The following RPLP1 variants were observed in gnomAD, a reference collection of about 807,000 sequenced individuals.
RPLP1 encodes large ribosomal subunit protein P1.
In RPLP1, 4 loss-of-function variants were observed where a neutral mutation model predicts 11.6. The observed-to-expected ratio is 0.34, with a 90% confidence interval of 0.17 to 0.79. The LOEUF (loss-of-function observed/expected upper bound fraction) is 0.79, where lower values mean the gene tolerates loss of function less well. RPLP1 is among the 30% of genes least tolerant of loss of function. RPLP1 has a pLI of 0.55. For synonymous variants in RPLP1, 54 were observed against 52.2 expected, an observed-to-expected ratio of 1.03 and a Z score of -0.15; for missense variants, 133 against 142.8, an observed-to-expected ratio of 0.93 and a Z score of 0.35.
At position 69,453,655 on chromosome 15, in the gene RPLP1, G is replaced by A. The variant is rs1228337572; in HGVS notation, c.81G>A (p.Lys27=). 3 of 1,613,958 alleles carry A rather than the reference G, an allele frequency of 1.9e-6. No homozygotes were observed. The highest frequency in any genetic ancestry group is 2.2e-5 in the South Asian group (2 of 91,082). ...HDDEVTVTED[K]INALIKAAGV... is the part of the protein sequence containing the mutation. ...GTTTTTATTTGTTGTAGGAGGATAAGATCAATGCCCTCATTAAAGCAGCCG... is the reference window on the plus strand; with the variant it reads ...GTTTTTATTTGTTGTAGGAGGATAAAATCAATGCCCTCATTAAAGCAGCCG... The change falls in exon 2 of 4, where the codon AAG becomes AAA. Residue 27 remains lysine, a synonymous_variant. Transcript: ENST00000260379.
At position 69,452,878 on chromosome 15, in the gene RPLP1, G is replaced by C. The variant is rs996407590; in HGVS notation, c.-71G>C. The stretch of plus-strand genomic sequence containing the variant: ...TTCCGAGGAAGCTAAGGCTGCGTTG[G>C]GGTGAGGCCCTCACTTCATCCGGCG... On this transcript the variant is annotated 5_prime_UTR_variant, in exon 1 of 4. Transcript: ENST00000260379. 15 of 1,392,564 alleles carry C rather than the reference G, an allele frequency of 1.1e-5. No homozygotes were observed. In the East Asian group the frequency reaches 3.7e-4, roughly 35 times the overall value. 86.3% of individuals were successfully genotyped at this position (1,392,564 alleles called of 1,614,324 possible).
intron 1 of RPLP1, 169 bp from the exon 2 acceptor site, chr15:69,453,478 C>A: frequency 1.4e-6 from 1 of 695,762 alleles, no homozygotes; most frequent in East Asian, 2.7e-5. Context: ...CGTGAAACAG[C>A]AGTGATGGGC....
Position 69,452,821 on chromosome 15 carries a change from C to A in RPLP1, c.-128C>A, listed in dbSNP as rs529326572. 135 of 857,208 alleles carry A rather than the reference C, an allele frequency of 1.6e-4. 1 individual carries two copies. In the East Asian group the frequency reaches 3.6e-3, roughly 23 times the overall value. 53.1% of individuals were successfully genotyped at this position (857,208 alleles called of 1,614,324 possible). A position where few individuals can be genotyped will look rare whatever the true frequency, so the allele number is the denominator to read the frequency against. ...AGGCTGCGTATAGGCGCGAGAGCCC[C>A]TTTCCTCAGCTGCCGCCAAGGTGCT... On this transcript the variant is annotated 5_prime_UTR_variant, in exon 1 of 4. Transcript: ENST00000260379.
Position 69,452,874 on chromosome 15 carries a change from GT to G in RPLP1, c.-73del, listed in dbSNP as rs1184471519. 2 of 1,370,984 alleles carry G rather than the reference GT, an allele frequency of 1.5e-6. No individual in the cohort carries two copies. Among genetic ancestry groups the G allele is most frequent in the Admixed American group, 3.9e-5 (2 of 50,860 alleles). 84.9% of individuals were successfully genotyped at this position (1,370,984 alleles called of 1,614,324 possible). A position where few individuals can be genotyped will look rare whatever the true frequency, so the allele number is the denominator to read the frequency against. On this transcript the variant is annotated 5_prime_UTR_variant, in exon 1 of 4. Coordinates refer to ENST00000260379, the MANE Select transcript of RPLP1 (RefSeq NM_001003.3). ...GTCCTTCCGAGGAAGCTAAGGCTGC[GT>G]TGGGGTGAGGCCCTCACTTCATCCG...
rs1391847037 is a variant in RPLP1, at chr15:69,456,196, G to T, written c.*689G>T. The T allele has an allele frequency of 6.6e-6, 1 of 152,196 alleles. No individual in the cohort carries two copies. Among genetic ancestry groups the T allele is most frequent in the Admixed American group, 6.5e-5 (1 of 15,280 alleles). 9.4% of individuals were successfully genotyped at this position (152,196 alleles called of 1,614,324 possible). On this transcript the variant is annotated 3_prime_UTR_variant, in exon 4 of 4. Coordinates refer to ENST00000260379, the MANE Select transcript of RPLP1 (RefSeq NM_001003.3). ...ATAAACCGTGGGTATTGTGTGTTCA[G>T]AGCAGCTAATGACATGCCAGGCACA... is the stretch of plus-strand genomic sequence containing the variant.
intron 2 of RPLP1, chr15:69,454,431 G>A (rs1450180483): frequency 6.6e-6 from 1 of 152,198 alleles, no homozygotes; most frequent in African/African-American, 2.4e-5. Flanking sequence ...TGTGTGTTGG[G>A]ATATAAAAGA....
chr15:69,455,378 A>G, intron 3 of RPLP1, 50 bp from the exon 4 acceptor site: 1 of 1,559,218 alleles, frequency 6.4e-7, no homozygotes, highest in Non-Finnish European at 8.7e-7. Flanking sequence ...ATTTTTCACA[A>G]GTATATGAAG....
At position 69,455,941 on chromosome 15, in the gene RPLP1, T is replaced by TA. The variant is rs757950325; in HGVS notation, c.*441dup. ...TGTTGACTGCTACATCCCAAGGTTG[T>TA]AAAAAAACAAGACTTAGCTATGTAA... On this transcript the variant is annotated 3_prime_UTR_variant, in exon 4 of 4. Transcript: ENST00000260379. The TA allele has an allele frequency of 6.4e-6, 1 of 155,592 alleles. No individual in the cohort carries two copies. Among genetic ancestry groups the TA allele is most frequent in the African/African-American group, 2.4e-5 (1 of 41,522 alleles). 9.6% of individuals were successfully genotyped at this position (155,592 alleles called of 1,614,324 possible).
In RPLP1 at chr15:69,452,883, A is replaced by C; in HGVS notation, c.-66A>C. 2 of 1,410,584 alleles carry C rather than the reference A, an allele frequency of 1.4e-6. No homozygotes were observed. The highest frequency in any genetic ancestry group is 1.9e-6 in the Non-Finnish European group (2 of 1,026,758). The allele number at this position is 1,410,584 out of a possible 1,614,324, so 87.4% of individuals were successfully genotyped here. ...AGGAAGCTAAGGCTGCGTTGGGGTGAGGCCCTCACTTCATCCGGCGACTAG... is the reference window on the plus strand; with the variant it reads ...AGGAAGCTAAGGCTGCGTTGGGGTGCGGCCCTCACTTCATCCGGCGACTAG... On this transcript the variant is annotated 5_prime_UTR_variant, in exon 1 of 4. Transcript: ENST00000260379.
chr15:69,453,200 G>A (rs1473049663), intron 1 of RPLP1, 180 bp downstream of exon 1: 5 of 626,804 alleles, frequency 8.0e-6, no homozygotes, highest in Non-Finnish European at 1.4e-5. Flanking sequence ...CAGGTCCTGG[G>A]CCCCCGGGAC....
intron 1 of RPLP1, chr15:69,453,331 C>T (rs1892381407): frequency 1.7e-6 from 1 of 578,380 alleles, no homozygotes; most frequent in Non-Finnish European, 3.1e-6. Context: ...TCGTCTCTCT[C>T]AGGGACACTT....
At chr15:69,453,946 TA>T (rs929122824) in intron 2 of RPLP1, 56 of 560,680 alleles carry the variant, frequency 1.0e-4, no homozygotes, top group South Asian at 2.4e-4. Flanking sequence ...AAACCATGGT[TA>T]AAAAAAATGT....
At chr15:69,453,343 C>A in intron 1 of RPLP1, 1 of 577,030 alleles carries the variant, frequency 1.7e-6, no homozygotes, top group South Asian at 2.1e-5. Context: ...GGGACACTTA[C>A]TCGGACCTCT....
At chr15:69,453,517 A>G (rs1892385682) in intron 1 of RPLP1, 130 bp from the exon 2 acceptor site, 3 of 1,015,560 alleles carry the variant, frequency 3.0e-6, no homozygotes, top group South Asian at 2.9e-5. Context: ...CCTGGCACAC[A>G]TCTCTTTTGC....
At chr15:69,453,897 TA>T (rs879181412) in intron 2 of RPLP1, 176 bp downstream of exon 2, 16 of 615,754 alleles carry the variant, frequency 2.6e-5, no homozygotes, top group South Asian at 1.0e-4. Flanking sequence ...TGTCAAGTCT[TA>T]CGTTTCCTTA....
intron 1 of RPLP1, chr15:69,453,279 A>G (rs1335696414): frequency 5.2e-6 from 3 of 581,644 alleles, no homozygotes; most frequent in South Asian, 2.1e-5. Flanking sequence ...GCCTTCGTGT[A>G]GAAAAGCTCT....
In RPLP1 at chr15:69,455,267, C is replaced by A; in HGVS notation, c.245C>A (p.Pro82His). The A allele has an allele frequency of 6.4e-7, 1 of 1,567,082 alleles. No homozygotes were observed. Among genetic ancestry groups the A allele is most frequent in the South Asian group, 1.2e-5 (1 of 83,734 alleles). The change falls in exon 3 of 4, where the codon CCC becomes CAC. Residue 82 changes from proline (P) to histidine (H), a missense_variant. Transcript: ENST00000260379. ...AGAAPAGGPA[P>H]STAAAPAEEK... ...GCTGCACCAGCAGGAGGTCCTGCCC[C>A]CTCCACTGCTGCTGCTCCAGGTAGG...
At chr15:69,453,146 C>G (rs374089214) in intron 1 of RPLP1, 126 bp downstream of exon 1, 21 of 884,334 alleles carry the variant, frequency 2.4e-5, no homozygotes, top group African/African-American at 2.2e-4. Context: ...CGAACACAGG[C>G]CGCATAGGGC....
In RPLP1 at chr15:69,452,848, G is replaced by T. The variant is rs376127977; in HGVS notation, c.-101G>T. ...TTCCTCAGCTGCCGCCAAGGTGCTC[G>T]GTCCTTCCGAGGAAGCTAAGGCTGC... On this transcript the variant is annotated 5_prime_UTR_variant, in exon 1 of 4. Transcript: ENST00000260379. 10 of 1,112,706 alleles carry T rather than the reference G, an allele frequency of 9.0e-6. No individual in the cohort carries two copies. Among genetic ancestry groups the T allele is most frequent in the African/African-American group, 6.2e-5 (4 of 64,970 alleles). 68.9% of individuals were successfully genotyped at this position (1,112,706 alleles called of 1,614,324 possible).
Sources: gnomAD v4.1 joint callset for allele counts on GRCh38, gnomAD v4.1.1 for gene constraint, MANE v1.5 for transcripts, NCBI Gene and HGNC (gene_info 2026-07-23, HGNC 2026-07-21) for gene names.